MON1A: variants seen among roughly 807,000 people sequenced by gnomAD.
MON1A encodes vacuolar fusion protein MON1 homolog A.
In MON1A, 29 loss-of-function variants were observed where a neutral mutation model predicts 44.6. The ratio of observed to expected loss-of-function variants is 0.65; its 90% CI spans 0.48 to 0.89. The LOEUF (loss-of-function observed/expected upper bound fraction) is 0.89. MON1A is among the 40% of genes least tolerant of loss of function. MON1A has a pLI of 0.00. For synonymous variants in MON1A, 275 were observed against 316.4 expected, an observed-to-expected ratio of 0.87 and a Z score of 1.39; for missense variants, 615 against 759.6, an observed-to-expected ratio of 0.81 and a Z score of 2.24.
chr3:49,909,987 G>A lies in MON1A; in HGVS notation c.1379+132C>T. 2.0e-6 allele frequency: 2 copies of A among 1,011,656 alleles called. No homozygotes were observed. The highest frequency in any genetic ancestry group is 2.9e-6 in the Non-Finnish European group (2 of 679,422). 62.7% of individuals were successfully genotyped at this position (1,011,656 alleles called of 1,614,324 possible). A position where few individuals can be genotyped will look rare whatever the true frequency, so the allele number is the denominator to read the frequency against. On this transcript the variant is annotated intron_variant, in intron 4 of 5. Transcript: ENST00000296473. This position sits in a 1 kb window ranked among gnomAD's most constrained non-coding sequence, Gnocchi z 4.0. ...GGTCTCTGGTGCCAGAGTAAAACAG[G>A]CCCAGCACACTGGTCTGCTTCCAAA...
At chr3:49,919,773 G>A (rs1174933873) in intron 1 of MON1A, among the ~76,000 whole-genome samples, 7 of 152,028 alleles carry the variant, frequency 4.6e-5, no homozygotes, top group Non-Finnish European at 7.4e-5. Flanking sequence ...ATGAGCCACC[G>A]CACCCAGCCC....
intron 1 of MON1A, chr3:49,929,396 C>T (rs1284126598): frequency 3.2e-6 from 2 of 628,394 alleles, no homozygotes; most frequent in Non-Finnish European, 2.8e-6. Context: ...CCGGATCTCG[C>T]CCTCCCAGCC....
Position 49,913,263 on chromosome 3 carries a change from T to G in MON1A, c.84A>C (p.Arg28Ser). The G allele has an allele frequency of 6.2e-7, 1 of 1,614,178 alleles. No individual in the cohort carries two copies. Among genetic ancestry groups the G allele is most frequent in the Non-Finnish European group, 8.5e-7 (1 of 1,180,040 alleles). ...CCATTCCTGGTGTGGGGCTCTCAGC[T>G]CTCTCCATACTCTGTCCATCAGAAG... ...LTPSDGQSME[R>S]AESPTPGMAQ... is the part of the protein sequence containing the mutation. Residue 28 changes from arginine (R) to serine (S), a missense_variant, in exon 2 of 6, where the codon AGA becomes AGC. Physicochemically the swap from Arg to Ser is moderately radical, Grantham distance 110 (BLOSUM62 -1). Transcript: ENST00000296473.
At chr3:49,913,075 G>T in intron 2 of MON1A, 145 bp downstream of exon 2, 1 of 1,114,642 alleles carries the variant, frequency 9.0e-7, no homozygotes, top group Non-Finnish European at 1.3e-6. Context: ...CTGGCCTCCT[G>T]CCTTATCCCC....
At chr3:49,924,870 A>G (rs948877122) in intron 1 of MON1A, among the ~76,000 whole-genome samples, 1 of 152,310 alleles carries the variant, frequency 6.6e-6, no homozygotes, top group South Asian at 2.1e-4. Flanking sequence ...GCCAGTACCA[A>G]CTTGCTAGTC....
In MON1A at chr3:49,929,710, C is replaced by G; in HGVS notation, c.-115G>C. On this transcript the variant is annotated 5_prime_UTR_variant, in exon 1 of 6. Transcript: ENST00000296473. ...TGTCCGGCCGGGGCCGGCCTGAGGGCACAGCTTCGCGGGGCCCCGGCCCCC... is the reference window on the plus strand; with the variant it reads ...TGTCCGGCCGGGGCCGGCCTGAGGGGACAGCTTCGCGGGGCCCCGGCCCCC... The G allele has an allele frequency of 6.4e-7, 1 of 1,550,440 alleles. No individual in the cohort carries two copies. Among genetic ancestry groups the G allele is most frequent in the Non-Finnish European group, 8.7e-7 (1 of 1,146,770 alleles).
At chr3:49,929,355 G>T in intron 1 of MON1A, 1 of 562,678 alleles carries the variant, frequency 1.8e-6, no homozygotes. Context: ...GTGGGGGAGT[G>T]GGGAGAGTCC....
chr3:49,909,926 T>TA lies in MON1A; in HGVS notation c.1379+192dup. On this transcript the variant is annotated intron_variant, in intron 4 of 5. Coordinates refer to ENST00000296473, the MANE Select transcript of MON1A (RefSeq NM_032355.4). This position sits in a 1 kb window ranked among gnomAD's most constrained non-coding sequence, Gnocchi z 4.0. The stretch of plus-strand genomic sequence containing the variant: ...TTTCCAGGCCTTCTGGTTAATAAAG[T>TA]AGAGAGGGTATGCTCATGGGGTGAT... 1 of 605,234 alleles carries TA rather than the reference T, an allele frequency of 1.7e-6. No individual in the cohort carries two copies. Among genetic ancestry groups the TA allele is most frequent in the Non-Finnish European group, 2.8e-6 (1 of 351,266 alleles). 37.5% of individuals were successfully genotyped at this position (605,234 alleles called of 1,614,324 possible).
At position 49,929,763 on chromosome 3, in the gene MON1A, G is replaced by C. The variant is rs2083079087; in HGVS notation, c.-168C>G. ...CGTACACAGACATGGCCACAGCGCAGGCACCGCTCCCTCCCACCGCCCTCA... is the reference window on the plus strand; with the variant it reads ...CGTACACAGACATGGCCACAGCGCACGCACCGCTCCCTCCCACCGCCCTCA... On this transcript the variant is annotated 5_prime_UTR_variant, in exon 1 of 6. Transcript: ENST00000296473. 1.3e-6 allele frequency: 2 copies of C among 1,549,408 alleles called. No homozygotes were observed. Among genetic ancestry groups the C allele is most frequent in the Middle Eastern group, 1.7e-4 (1 of 5,832 alleles).
chr3:49,917,970 C>T (rs1162136930), intron 1 of MON1A, among the ~76,000 whole-genome samples: 1 of 152,002 alleles, frequency 6.6e-6, no homozygotes, highest in Non-Finnish European at 1.5e-5. Context: ...ATCACTTGAA[C>T]CCGGGAGGCG....
intron 2 of MON1A, 96 bp downstream of exon 2, chr3:49,913,124 A>G (rs750154670): frequency 1.3e-5 from 20 of 1,524,248 alleles, no homozygotes; most frequent in Admixed American, 5.0e-5. Flanking sequence ...TGACAAATGC[A>G]TGAATAAGTG....
intron 1 of MON1A, among the ~76,000 whole-genome samples, chr3:49,920,166 C>T (rs1559495203): frequency 2.6e-5 from 4 of 152,222 alleles, no homozygotes. Flanking sequence ...AGGTCACCAA[C>T]GACCTCCAGG....
Position 49,910,528 on chromosome 3 carries a change from G to A in MON1A, c.970C>T (p.Leu324=). The change falls in exon 4 of 6, where the codon CTG becomes TTG. Residue 324 remains leucine, a synonymous_variant. Transcript: ENST00000296473. The surrounding 1 kb of genome is among the most constrained non-coding windows in gnomAD (Gnocchi z 8.0). ...RARSLVFSIL[L]ARNQLVALVR... ...AGTGCCACGAGCTGGTTGCGGGCCAGCAGGATGGAGAAGACCAGGCTGCGC... is the reference window on the plus strand; with the variant it reads ...AGTGCCACGAGCTGGTTGCGGGCCAACAGGATGGAGAAGACCAGGCTGCGC... 2 of 1,613,820 alleles carry A rather than the reference G, an allele frequency of 1.2e-6. No individual in the cohort carries two copies. The highest frequency in any genetic ancestry group is 1.6e-4 in the Middle Eastern group (1 of 6,062).
Position 49,919,977 on chromosome 3 carries a change from G to A in MON1A, c.-13-6618C>T, listed in dbSNP as rs543040499. Reference sequence around the variant, plus strand: ...TCATGTACCAGCTCTTAAATACTTCGTAGCTCACATTGGCCAGAACCAGTG... The same window carrying A: ...TCATGTACCAGCTCTTAAATACTTCATAGCTCACATTGGCCAGAACCAGTG... On this transcript the variant is annotated intron_variant, in intron 1 of 5. Transcript: ENST00000296473. Among the ~76,000 whole-genome samples the A allele has an allele frequency of 1.3e-4, 20 of 152,262 alleles. No individual in the cohort carries two copies. The South Asian group carries it at 4.1e-3, about 32-fold the overall frequency.
Position 49,929,595 on chromosome 3 carries a change from G to GA in MON1A, c.-14+13_-14+14insT. ...TAGGTGCCTCCAGGCCACGTGGGCT[G>GA]GCAGTCAACTCACCTGTTTCTCAGA... is the stretch of plus-strand genomic sequence containing the variant. On this transcript the variant is annotated intron_variant, in intron 1 of 5. Transcript: ENST00000296473. 1.3e-6 allele frequency: 2 copies of GA among 1,551,488 alleles called. No individual in the cohort carries two copies. Among genetic ancestry groups the GA allele is most frequent in the South Asian group, 2.4e-5 (2 of 84,016 alleles).
chr3:49,922,532 AGGG>A (rs2083009709), intron 1 of MON1A, among the ~76,000 whole-genome samples: 1 of 78,804 alleles, frequency 1.3e-5, no homozygotes, highest in African/African-American at 4.5e-5. Context: ...AGAAGGAAGG[AGGG>A]AGGGAGGGAG....
chr3:49,910,586 G>T lies in MON1A; in HGVS notation c.912C>A (p.Asp304Glu), dbSNP rs1435961875. The T allele has an allele frequency of 6.2e-7, 1 of 1,605,488 alleles. No individual in the cohort carries two copies. The highest frequency in any genetic ancestry group is 8.5e-7 in the Non-Finnish European group (1 of 1,175,724). ...RCLPLAAAVR[D>E]TVSASLQQAR... ...CCTGCTGCAGGCTGGCGCTCACAGTGTCGCGCACGGCCGCCGCCAGGGGCA... is the reference window on the plus strand; with the variant it reads ...CCTGCTGCAGGCTGGCGCTCACAGTTTCGCGCACGGCCGCCGCCAGGGGCA... The change falls in exon 4 of 6, where the codon GAC becomes GAA. Residue 304 changes from aspartate to glutamate, a missense_variant. Transcript: ENST00000296473. The surrounding 1 kb of genome is among the most constrained non-coding windows in gnomAD (Gnocchi z 8.0).
In MON1A at chr3:49,910,782, A is replaced by T. The variant is rs747302052; in HGVS notation, c.716T>A (p.Ile239Asn). Residue 239 changes from isoleucine (I) to asparagine (N), a missense_variant, in exon 4 of 6, where the codon ATC (isoleucine) becomes AAC (asparagine). Physicochemically the swap from Ile to Asn is moderately radical, Grantham distance 149. Coordinates refer to ENST00000296473, the MANE Select transcript of MON1A (RefSeq NM_032355.4). This position sits in a 1 kb window ranked among gnomAD's most constrained non-coding sequence, Gnocchi z 8.0. ...AAGAAGGCTTAGGATCTGGTAGTAGATGTAGAGCAGCTCCTGCGCCAGCTC... is the reference window on the plus strand; with the variant it reads ...AAGAAGGCTTAGGATCTGGTAGTAGTTGTAGAGCAGCTCCTGCGCCAGCTC... Reference protein sequence around the residue: ...AQELAQELLYIYYQILSLLTG... With the variant: ...AQELAQELLYNYYQILSLLTG... 4.3e-6 allele frequency: 7 copies of T among 1,613,982 alleles called. No homozygotes were observed. The highest frequency in any genetic ancestry group is 8.5e-7 in the Non-Finnish European group (1 of 1,179,982).
intron 1 of MON1A, chr3:49,920,498 A>G (rs1357811101): frequency 1.3e-5 from 2 of 152,140 alleles, no homozygotes; most frequent in African/African-American, 4.8e-5. Flanking sequence ...TTAACTGTCT[A>G]CTTCATGTTA....
Sources: allele counts gnomAD v4.1 joint callset (sites outside exome capture counted in the v4.1 genomes callset), GRCh38; gene constraint gnomAD v4.1.1; non-coding constraint Gnocchi (gnomAD v3.1); transcripts MANE v1.5; gene names NCBI Gene and HGNC (gene_info 2026-07-23, HGNC 2026-07-21).